ADGRL3: variants seen among roughly 807,000 people sequenced by gnomAD.
ADGRL3 encodes the protein calcium-independent alpha-latrotoxin receptor 3.
A neutral mutation model predicts 153.5 loss-of-function variants in ADGRL3; 62 were observed. The observed-to-expected ratio is 0.40, with a 90% CI of 0.33 to 0.50. The LOEUF is 0.50. ADGRL3 is among the 20% of genes least tolerant of loss of function. The pLI, the probability that ADGRL3 is intolerant of heterozygous loss-of-function variation, is 0.47. For synonymous variants in ADGRL3, 710 were observed against 672.5 expected, an observed-to-expected ratio of 1.06 and a Z score of -0.86; for missense variants, 1,641 against 1,859.4, an observed-to-expected ratio of 0.88 and a Z score of 2.16.
intron 17 of ADGRL3, among the ~76,000 whole-genome samples, chr4:61,964,197 A>G (rs2098998130): frequency 6.6e-6 from 1 of 152,170 alleles, no homozygotes; most frequent in Non-Finnish European, 1.5e-5. Flanking sequence ...CCCATTATTA[A>G]TTGATCAAAT....
At chr4:61,531,280 G>A (rs1050690845) in intron 4 of ADGRL3, among the ~76,000 whole-genome samples, 1 of 152,154 alleles carries the variant, frequency 6.6e-6, no homozygotes, top group African/African-American at 2.4e-5. Flanking sequence ...GGAAACAAGG[G>A]TGTTTTGTTT....
intron 1 of ADGRL3, among the ~76,000 whole-genome samples, chr4:61,264,372 G>A (rs1482019417): frequency 6.6e-6 from 1 of 151,890 alleles, no homozygotes. Context: ...CCCCAAATCG[G>A]CAAACATAGC....
rs577946878 is a variant in ADGRL3 at position 61,868,085 on chromosome 4, G to A, written c.1481-24571G>A. On this transcript the variant is annotated intron_variant, in intron 9 of 26. Transcript: ENST00000683033. ...TACATATGCACAAAAAATTTAAATTGAATCGTATACTTTCTTGTGGAGATA... is the reference window on the plus strand; with the variant it reads ...TACATATGCACAAAAAATTTAAATTAAATCGTATACTTTCTTGTGGAGATA... Among the ~76,000 whole-genome samples, 22 of 152,108 alleles carry A rather than the reference G, an allele frequency of 1.4e-4. No individual in the cohort carries two copies. In the East Asian group the frequency reaches 4.3e-3, roughly 29 times the overall value.
Position 61,507,437 on chromosome 4 carries a change from CAAT to C in ADGRL3, c.56-9871_56-9869del, listed in dbSNP as rs2098437786. 2.0e-5 allele frequency among the ~76,000 whole-genome samples: 3 copies of C among 152,200 alleles called. No homozygotes were observed. In the East Asian group the frequency reaches 5.8e-4, roughly 29 times the overall value. ...ATGTCGATTTTTAAAAGTAGGTGTC[CAAT>C]AATAATCACATCCAACATAACATAA... On this transcript the variant is annotated intron_variant, in intron 3 of 26. Transcript: ENST00000683033.
At chr4:61,425,783 C>A (rs1381110209) in intron 2 of ADGRL3, among the ~76,000 whole-genome samples, 1 of 152,232 alleles carries the variant, frequency 6.6e-6, no homozygotes, top group Non-Finnish European at 1.5e-5. Flanking sequence ...ATATTAAATA[C>A]CCAAGGAGTG....
intron 8 of ADGRL3, among the ~76,000 whole-genome samples, chr4:61,774,357 C>CA (rs372436258): frequency 0.029 from 1,727 of 60,024 alleles, 15 homozygotes; most frequent in Middle Eastern, 0.056. Context: ...AACTCTGTCT[C>CA]AAAAAAAAAA....
chr4:61,521,355 T>C (rs12715702), intron 4 of ADGRL3, among the ~76,000 whole-genome samples: 59,388 of 151,938 alleles, frequency 0.39, 12,407 homozygotes, highest in East Asian at 0.47. Flanking sequence ...TTTCTAGATA[T>C]CAGTCTAGTA....
intron 2 of ADGRL3, among the ~76,000 whole-genome samples, chr4:61,476,012 A>G (rs2098043807): frequency 6.6e-6 from 1 of 152,124 alleles, no homozygotes; most frequent in African/African-American, 2.4e-5. Context: ...GCTCATGGGC[A>G]TTTCTTTGGG....
intron 9 of ADGRL3, among the ~76,000 whole-genome samples, chr4:61,867,540 A>ATATATATATATATATATATATATT (rs201200813): frequency 7.6e-6 from 1 of 132,120 alleles, no homozygotes; most frequent in Non-Finnish European, 1.7e-5. Flanking sequence ...ATATATATAT[A>ATATATATATATATATATATATATT]ATTGTAGGAG....
chr4:61,629,712 G>A (rs1242745202), intron 5 of ADGRL3, among the ~76,000 whole-genome samples: 11 of 92,426 alleles, frequency 1.2e-4, no homozygotes, highest in East Asian at 7.3e-4. Context: ...GCAAGACTCC[G>A]TCTCGGGGCA....
At chr4:61,569,864 A>C (rs1221916643) in intron 4 of ADGRL3, among the ~76,000 whole-genome samples, 1 of 152,116 alleles carries the variant, frequency 6.6e-6, no homozygotes, top group African/African-American at 2.4e-5. Flanking sequence ...CTTCACTATA[A>C]TGTTCAACAA....
At chr4:62,007,396 A>G (rs2099163972) in intron 21 of ADGRL3, among the ~76,000 whole-genome samples, 1 of 18,286 alleles carries the variant, frequency 5.5e-5, no homozygotes, top group African/African-American at 2.0e-4. Context: ...ACACACACAC[A>G]TATATATATA....
At chr4:61,537,869 A>AC (rs2098666451) in intron 4 of ADGRL3, among the ~76,000 whole-genome samples, 1 of 152,020 alleles carries the variant, frequency 6.6e-6, no homozygotes, top group Non-Finnish European at 1.5e-5. Context: ...TCATATCCTG[A>AC]ATTATATTTC....
chr4:61,920,138 G>T (rs2098762023), intron 13 of ADGRL3, among the ~76,000 whole-genome samples: 2 of 152,180 alleles, frequency 1.3e-5, no homozygotes, highest in East Asian at 3.9e-4. Context: ...CTGAACATAA[G>T]TTTACCTTCA....
intron 5 of ADGRL3, among the ~76,000 whole-genome samples, chr4:61,665,060 A>G (rs777748222): frequency 2.0e-5 from 3 of 152,334 alleles, no homozygotes; most frequent in Non-Finnish European, 2.9e-5. Flanking sequence ...CATGTGGCCA[A>G]TGTTCTTTAA....
In ADGRL3 at chr4:61,252,511, C is replaced by T. The variant is rs116071616; in HGVS notation, c.-240+50746C>T. On this transcript the variant is annotated intron_variant, in intron 1 of 26. Coordinates refer to ENST00000683033, the MANE Select transcript of ADGRL3 (RefSeq NM_001387552.1). ...GAATGAATATTTTTAAAACTTTGTT[C>T]TAGGGGCTGTAGTTGTAATTGTGTT... 8.2e-3 allele frequency among the ~76,000 whole-genome samples: 1,252 copies of T among 152,176 alleles called. 20 individuals carry two copies. Among genetic ancestry groups the T allele is most frequent in the African/African-American group, 0.028 (1,151 of 41,560 alleles).
intron 8 of ADGRL3, among the ~76,000 whole-genome samples, chr4:61,812,909 A>G (rs1455477464): frequency 1.3e-5 from 2 of 152,114 alleles, no homozygotes; most frequent in Admixed American, 6.5e-5. Context: ...TTTTTTCATT[A>G]AATACAGTAG....
chr4:61,624,614 T>C (rs2092722685), intron 5 of ADGRL3, among the ~76,000 whole-genome samples: 1 of 152,116 alleles, frequency 6.6e-6, no homozygotes. Flanking sequence ...TCTAGAATGA[T>C]ACCAGTCTTG....
At chr4:61,228,524 A>G (rs977459867) in intron 1 of ADGRL3, among the ~76,000 whole-genome samples, 7 of 152,182 alleles carry the variant, frequency 4.6e-5, no homozygotes, top group Non-Finnish European at 1.0e-4. Context: ...AGTAGAGAGT[A>G]GGAAGTGCTA....
Sources: gnomAD v4.1 joint callset for allele counts (sites outside exome capture counted in the v4.1 genomes callset) on GRCh38, gnomAD v4.1.1 for gene constraint, MANE v1.5 for transcripts, NCBI Gene and HGNC (gene_info 2026-07-23, HGNC 2026-07-21) for gene names.